Variants in DISP1 observed in about 807,000 individuals in gnomAD.
DISP1 encodes the protein protein dispatched homolog 1.
Under a neutral mutation model 37.3 loss-of-function variants are expected in DISP1, and 30 were observed. The ratio of observed to expected loss-of-function variants is 0.80; its 90% confidence interval spans 0.60 to 1.09. DISP1 has a LOEUF of 1.09. DISP1 is among the 50% of genes least tolerant of loss of function. The pLI is 0.00. For synonymous variants in DISP1, 634 were observed against 690.2 expected (o/e 0.92, Z 1.28); for missense variants, 1,598 against 1,879.5 (o/e 0.85, Z 2.77).
chr1:222,947,336 T>C (rs1558348795), intron 3 of DISP1, among the ~76,000 whole-genome samples: 1 of 152,184 alleles, frequency 6.6e-6, no homozygotes, highest in East Asian at 1.9e-4. Context: ...GTAGCATGTG[T>C]CATAATTTCC....
At chr1:222,869,102 A>G (rs1669370618) in intron 1 of DISP1, among the ~76,000 whole-genome samples, 1 of 152,118 alleles carries the variant, frequency 6.6e-6, no homozygotes, top group Non-Finnish European at 1.5e-5. Flanking sequence ...GAAAAAATAA[A>G]CTCCTGCATT....
chr1:222,937,054 T>A (rs1673978426), intron 2 of DISP1, among the ~76,000 whole-genome samples: 1 of 93,290 alleles, frequency 1.1e-5, no homozygotes, highest in African/African-American at 4.3e-5. Context: ...TTATATATAA[T>A]ATGCAATATA....
In DISP1 at chr1:222,893,010, T is replaced by G. The variant is rs1274424583; in HGVS notation, c.-158-35420T>G. On this transcript the variant is annotated intron_variant, in intron 1 of 8. Coordinates refer to ENST00000675850, the MANE Select transcript of DISP1 (RefSeq NM_001377229.1). This position sits in a 1 kb window ranked among gnomAD's most constrained non-coding sequence, Gnocchi z 4.3. ...TTTTAAATATCAAATATTTGTGATA[T>G]CATCTGTAAATTTTTAAATAATTTC... Among the ~76,000 whole-genome samples the G allele has an allele frequency of 6.6e-6, 1 of 151,956 alleles. No homozygotes were observed. Among genetic ancestry groups the G allele is most frequent in the Non-Finnish European group, 1.5e-5 (1 of 67,846 alleles).
intron 1 of DISP1, among the ~76,000 whole-genome samples, chr1:222,816,784 A>G (rs1252694354): frequency 6.6e-6 from 1 of 152,232 alleles, no homozygotes; most frequent in African/African-American, 2.4e-5. Flanking sequence ...TAAGTTTTCA[A>G]ATTACAAAAT....
intron 2 of DISP1, among the ~76,000 whole-genome samples, chr1:222,936,814 T>A (rs56114089): frequency 1.7e-3 from 55 of 32,504 alleles, no homozygotes; most frequent in South Asian, 4.4e-3. Flanking sequence ...ATATATAAAT[T>A]ATATATAATA....
chr1:222,903,948 T>G (rs1671757456), intron 1 of DISP1, among the ~76,000 whole-genome samples: 1 of 152,238 alleles, frequency 6.6e-6, no homozygotes, highest in South Asian at 2.1e-4. Flanking sequence ...CTTAAATACA[T>G]TTTATTTTTA....
chr1:222,906,317 G>A (rs34202956), intron 1 of DISP1, among the ~76,000 whole-genome samples: 18,716 of 152,052 alleles, frequency 0.12, 1,320 homozygotes, highest in East Asian at 0.31. Context: ...TGTGCTTTGG[G>A]GGAACTTTTT....
chr1:223,005,937 CTT>C lies in DISP1; in HGVS notation c.4542_4543del (p.Ser1515TrpfsTer2). On this transcript the variant is annotated frameshift_variant, in exon 9 of 9. Transcript: ENST00000675850. LOFTEE classifies it high-confidence loss of function. ...GCCTGCTGTATTAACACACTCGGAA[CTT>C]TCTGGTGAAAGTTTGTTAATAAAAA... ...NVPAVLTHSELSGESLLIKTL is the reference protein window; with the variant it reads ...NVPAVLTHSEXSGESLLIKTL The C allele has an allele frequency of 6.2e-7, 1 of 1,613,976 alleles. No individual in the cohort carries two copies. The highest frequency in any genetic ancestry group is 2.2e-5 in the East Asian group (1 of 44,878).
At chr1:222,853,741 G>C (rs532418639) in intron 1 of DISP1, among the ~76,000 whole-genome samples, 36 of 152,244 alleles carry the variant, frequency 2.4e-4, no homozygotes, top group African/African-American at 8.4e-4. Context: ...GGGTGGGAAG[G>C]GTAGGGGAAA....
chr1:222,985,170 A>G (rs1005789414), intron 4 of DISP1, among the ~76,000 whole-genome samples: 1 of 152,232 alleles, frequency 6.6e-6, no homozygotes, highest in Non-Finnish European at 1.5e-5. Flanking sequence ...TTTTACTTTG[A>G]AAAGATTTCT....
At chr1:222,880,785 A>C (rs940622990) in intron 1 of DISP1, among the ~76,000 whole-genome samples, 3 of 152,220 alleles carry the variant, frequency 2.0e-5, no homozygotes, top group African/African-American at 4.8e-5. Context: ...TCTGGGCCAG[A>C]CATGGTGAGT....
intron 1 of DISP1, among the ~76,000 whole-genome samples, chr1:222,828,385 A>G (rs944359984): frequency 1.3e-5 from 2 of 152,206 alleles, no homozygotes; most frequent in African/African-American, 4.8e-5. Context: ...GTCTAAATAA[A>G]TGTAAATGCA....
chr1:222,822,308 A>G (rs1425405174), intron 1 of DISP1, among the ~76,000 whole-genome samples: 3 of 152,210 alleles, frequency 2.0e-5, no homozygotes, highest in South Asian at 4.1e-4. Flanking sequence ...TATCATTCTC[A>G]GGAGCCTTTG....
At chr1:222,953,358 A>T (rs936926253) in intron 3 of DISP1, among the ~76,000 whole-genome samples, 1 of 151,958 alleles carries the variant, frequency 6.6e-6, no homozygotes, top group African/African-American at 2.4e-5. Flanking sequence ...TCCTGTTGGT[A>T]TTGTTTTAGA....
intron 3 of DISP1, among the ~76,000 whole-genome samples, chr1:222,952,993 T>C (rs1254941546): frequency 6.6e-6 from 1 of 152,244 alleles, no homozygotes; most frequent in African/African-American, 2.4e-5. Flanking sequence ...TCTTTATTTA[T>C]GAGTCAAAAA....
In DISP1 at chr1:222,832,574, T is replaced by C. The variant is rs554519891; in HGVS notation, c.-159+17496T>C. 3.9e-5 allele frequency among the ~76,000 whole-genome samples: 6 copies of C among 152,334 alleles called. No homozygotes were observed. The South Asian group carries it at 1.2e-3, about 32-fold the overall frequency. ...CTAATTTGACTTCTTTTGGATATTG[T>C]TGAATTTAATTTTAAGTCAAATTTA... On this transcript the variant is annotated intron_variant, in intron 1 of 8. Transcript: ENST00000675850.
At chr1:222,834,945 A>G (rs914134830) in intron 1 of DISP1, among the ~76,000 whole-genome samples, 3 of 152,208 alleles carry the variant, frequency 2.0e-5, no homozygotes, top group Admixed American at 6.5e-5. Context: ...TACAGCAGGC[A>G]TTCAGTTAAT....
intron 1 of DISP1, among the ~76,000 whole-genome samples, chr1:222,844,981 T>C (rs35970216): frequency 0.15 from 23,128 of 152,078 alleles, 1,963 homozygotes; most frequent in South Asian, 0.26. Flanking sequence ...TTTAGCCAAC[T>C]GACTTTACTA....
intron 1 of DISP1, among the ~76,000 whole-genome samples, chr1:222,855,956 A>C (rs1372336357): frequency 6.6e-6 from 1 of 151,800 alleles, no homozygotes; most frequent in Non-Finnish European, 1.5e-5. Context: ...CTAACAGAAC[A>C]TTTAATATTT....
Sources: gnomAD v4.1 joint callset for allele counts (sites outside exome capture counted in the v4.1 genomes callset) on GRCh38, gnomAD v4.1.1 for gene constraint, Gnocchi (gnomAD v3.1) non-coding constraint, MANE v1.5 for transcripts, NCBI Gene and HGNC (gene_info 2026-07-23, HGNC 2026-07-21) for gene names.